Variants in IL26 observed in about 807,000 individuals in gnomAD.
IL26 encodes interleukin 26, also known as interleukin-26.
IL26 carries 23 observed loss-of-function variants against 21.7 expected under a neutral mutation model. The ratio of observed to expected loss-of-function variants is 1.06; its 90% CI spans 0.76 to 1.50. The LOEUF (loss-of-function observed/expected upper bound fraction) is 1.50. Among genes scored for constraint, IL26 ranks in the 40% most tolerant of loss-of-function variants. The pLI, the probability that IL26 is intolerant of heterozygous loss-of-function variation, is 0.00. For missense variants in IL26, 204 were observed against 196.0 expected (o/e 1.04, Z -0.24); for synonymous variants, 63 against 67.8 (o/e 0.93, Z 0.34).
intron 3 of IL26, among the ~76,000 whole-genome samples, chr12:68,219,107 A>T (rs941464082): frequency 6.6e-6 from 1 of 152,006 alleles, no homozygotes; most frequent in Non-Finnish European, 1.5e-5. Context: ...AATGTCAGAG[A>T]TACCAATAAT....
At chr12:68,207,770 T>C (rs2120430744) in intron 3 of IL26, among the ~76,000 whole-genome samples, 1 of 152,322 alleles carries the variant, frequency 6.6e-6, no homozygotes, top group East Asian at 1.9e-4. Context: ...AATGGCTCCA[T>C]ATATGGTCTG....
chr12:68,225,362 T>A lies in IL26; in HGVS notation c.229-79A>T. On this transcript the variant is annotated intron_variant, in intron 2 of 4. Coordinates refer to ENST00000229134, the MANE Select transcript of IL26 (RefSeq NM_018402.2). The stretch of plus-strand genomic sequence containing the variant: ...TGTCCCCCGATCATTACTTAATTAC[T>A]CTCTGAAAAAAATTTAAATGCAGGG... 2.6e-6 allele frequency: 4 copies of A among 1,529,624 alleles called. No individual in the cohort carries two copies. The South Asian group carries it at 4.8e-5, about 18-fold the overall frequency. 94.8% of individuals were successfully genotyped at this position (1,529,624 alleles called of 1,614,324 possible).
chr12:68,223,883 G>T (rs374165974), intron 3 of IL26, among the ~76,000 whole-genome samples: 4,086 of 81,508 alleles, frequency 0.05, 312 homozygotes, highest in African/African-American at 0.11. Context: ...TAAATTTGGT[G>T]GTTTTTTTTT....
At chr12:68,206,443 CA>C (rs916506789) in intron 3 of IL26, among the ~76,000 whole-genome samples, 2 of 151,978 alleles carry the variant, frequency 1.3e-5, no homozygotes, top group African/African-American at 4.8e-5. Flanking sequence ...TGCCCAATAT[CA>C]AAAAAACGTT....
At chr12:68,203,468 C>T (rs994801999) in intron 3 of IL26, among the ~76,000 whole-genome samples, 6 of 152,216 alleles carry the variant, frequency 3.9e-5, no homozygotes. Flanking sequence ...ACTCACCTAA[C>T]ATCCCACAGG....
chr12:68,225,810 T>G lies in IL26; in HGVS notation c.-54A>C. ...CTCACAGCAGCCCAAGAGATACTAA[T>G]GCCGGTTAGATGAGAGGATAACCTA... On this transcript the variant is annotated 5_prime_UTR_variant, in exon 1 of 5. Coordinates refer to ENST00000229134, the MANE Select transcript of IL26 (RefSeq NM_018402.2). The G allele has an allele frequency of 6.3e-7, 1 of 1,578,958 alleles. No homozygotes were observed. The highest frequency in any genetic ancestry group is 2.2e-5 in the East Asian group (1 of 44,706).
In IL26 at chr12:68,202,333, A is replaced by G. The variant is rs74731115; in HGVS notation, c.364-250T>C. Reference sequence around the variant, plus strand: ...CTGTGTTAGCAACTCTCGAAACTCTATGACAGGGATTTATAGGAACCGCCT... The same window carrying G: ...CTGTGTTAGCAACTCTCGAAACTCTGTGACAGGGATTTATAGGAACCGCCT... On this transcript the variant is annotated intron_variant, in intron 3 of 4. Coordinates refer to ENST00000229134, the MANE Select transcript of IL26 (RefSeq NM_018402.2). Among the ~76,000 whole-genome samples the G allele has an allele frequency of 1.2e-4, 19 of 152,354 alleles. No individual in the cohort carries two copies. In the East Asian group the frequency reaches 3.7e-3, roughly 29 times the overall value.
rs145221946 is a variant in IL26 at position 68,225,160 on chromosome 12, A to G, written c.352T>C (p.Leu118=). ...TTGTGTATACTTACACAGTGGCTCA[A>G]TTTCTGCCTAAGGCTATGAAAGTCC... ...VEDFHSLRQK[L]SHCISCASSA... Residue 118 remains leucine, a synonymous_variant, in exon 3 of 5, where the codon TTG becomes CTG. Coordinates refer to ENST00000229134, the MANE Select transcript of IL26 (RefSeq NM_018402.2). 24 of 1,609,668 alleles carry G rather than the reference A, an allele frequency of 1.5e-5. No individual in the cohort carries two copies. The East Asian group carries it at 5.1e-4, about 34-fold the overall frequency.
rs1009662510 is a variant in IL26 at position 68,201,818 on chromosome 12, T to C, written c.*27A>G. ...AGTTCTTATTGTATTTCAAAATAAC[T>C]GTAAAATCAATGTACTTGGCTTTGG... is the stretch of plus-strand genomic sequence containing the variant. On this transcript the variant is annotated 3_prime_UTR_variant, in exon 5 of 5. Coordinates refer to ENST00000229134, the MANE Select transcript of IL26 (RefSeq NM_018402.2). 8 of 1,455,862 alleles carry C rather than the reference T, an allele frequency of 5.5e-6. No individual in the cohort carries two copies. In the African/African-American group the frequency reaches 5.7e-5, roughly 10 times the overall value. 90.2% of individuals were successfully genotyped at this position (1,455,862 alleles called of 1,614,324 possible).
Position 68,225,737 on chromosome 12 carries a change from A to C in IL26, c.20T>G (p.Leu7Trp). The C allele has an allele frequency of 6.2e-7, 1 of 1,613,964 alleles. No homozygotes were observed. Among genetic ancestry groups the C allele is most frequent in the Non-Finnish European group, 8.5e-7 (1 of 1,179,898 alleles). The change falls in exon 1 of 5, where the codon TTG becomes TGG. Residue 7 changes from leucine (L) to tryptophan (W), a missense_variant. Coordinates refer to ENST00000229134, the MANE Select transcript of IL26 (RefSeq NM_018402.2). MLVNFI[L>W]RCGLLLVTLS... ...AGTGACTAACAGCAACCCACACCTC[A>C]AAATGAAATTCACCAGCATTTCCCT...
In IL26 at chr12:68,225,217, A is replaced by G. The variant is rs1869205264; in HGVS notation, c.295T>C (p.Leu99=). 6.2e-7 allele frequency: 1 copy of G among 1,613,910 alleles called. No homozygotes were observed. Among genetic ancestry groups the G allele is most frequent in the South Asian group, 1.1e-5 (1 of 90,972 alleles). The part of the protein sequence containing the change: ...FMEDVFGQLQ[L]QGCKKIRFVE... ...AAGCGTATTTTCTTGCAGCCTTGCA[A>G]TTGCAGTTGACCAAAAACGTCTTCC... Residue 99 remains leucine (L), a synonymous_variant, in exon 3 of 5, where the codon TTG becomes CTG. Transcript: ENST00000229134.
chr12:68,210,290 C>T (rs1199515530), intron 3 of IL26, among the ~76,000 whole-genome samples: 1 of 121,330 alleles, frequency 8.2e-6, no homozygotes, highest in South Asian at 2.7e-4. Flanking sequence ...GAAAATTATG[C>T]TAGTATAATG....
chr12:68,210,265 T>TA (rs1184623076), intron 3 of IL26, among the ~76,000 whole-genome samples: 4 of 145,140 alleles, frequency 2.8e-5, no homozygotes, highest in African/African-American at 5.1e-5. Flanking sequence ...GAAGTGCTTT[T>TA]AAAGCCATAC....
At chr12:68,216,655 A>G (rs981452372) in intron 3 of IL26, among the ~76,000 whole-genome samples, 2 of 152,234 alleles carry the variant, frequency 1.3e-5, no homozygotes, top group African/African-American at 4.8e-5. Context: ...TACAGGGATG[A>G]ATGAATGGTA....
In IL26 at chr12:68,201,371, A is replaced by C. The variant is rs1393457853; in HGVS notation, c.*474T>G. The C allele has an allele frequency of 6.6e-6, 1 of 152,670 alleles. No homozygotes were observed. The highest frequency in any genetic ancestry group is 6.5e-5 in the Admixed American group (1 of 15,310). 9.5% of individuals were successfully genotyped at this position (152,670 alleles called of 1,614,324 possible). A position where few individuals can be genotyped will look rare whatever the true frequency, so the allele number is the denominator to read the frequency against. On this transcript the variant is annotated 3_prime_UTR_variant, in exon 5 of 5. Transcript: ENST00000229134. ...CAGGAGAAGGAAACCCAATTTATTT[A>C]ATTAAAATCAAAATGTGTTAAGTAC...
chr12:68,225,349 ATTAC>A lies in IL26; in HGVS notation c.229-70_229-67del, dbSNP rs540524843. On this transcript the variant is annotated intron_variant, in intron 2 of 4. Coordinates refer to ENST00000229134, the MANE Select transcript of IL26 (RefSeq NM_018402.2). ...AATCGTTTTTTAATGTCCCCCGATC[ATTAC>A]TTAATTACTCTCTGAAAAAAATTTA... 2,432 of 1,533,578 alleles carry A rather than the reference ATTAC, an allele frequency of 1.6e-3. 4 individuals are homozygous for A. Among genetic ancestry groups the A allele is most frequent in the Non-Finnish European group, 2.0e-3 (2,230 of 1,124,540 alleles). 95.0% of individuals were successfully genotyped at this position (1,533,578 alleles called of 1,614,324 possible).
intron 3 of IL26, among the ~76,000 whole-genome samples, chr12:68,219,802 A>AAATTGATG (rs1314988486): frequency 6.6e-6 from 1 of 152,018 alleles, no homozygotes; most frequent in East Asian, 1.9e-4. Flanking sequence ...GAAATCAATA[A>AAATTGATG]AATTGATGAA....
chr12:68,211,114 A>ACACT (rs1868716651), intron 3 of IL26, among the ~76,000 whole-genome samples: 2 of 152,130 alleles, frequency 1.3e-5, no homozygotes, highest in South Asian at 4.1e-4. Flanking sequence ...GCCTCTGCTC[A>ACACT]CACTCAACCT....
At chr12:68,202,549 C>T (rs1448949450) in intron 3 of IL26, among the ~76,000 whole-genome samples, 1 of 152,136 alleles carries the variant, frequency 6.6e-6, no homozygotes, top group African/African-American at 2.4e-5. Flanking sequence ...GAAGGGAAAC[C>T]AAGGCACATC....
Sources: allele counts gnomAD v4.1 joint callset (sites outside exome capture counted in the v4.1 genomes callset), GRCh38; gene constraint gnomAD v4.1.1; transcripts MANE v1.5; gene names NCBI Gene and HGNC (gene_info 2026-07-23, HGNC 2026-07-21).